SCAPER: variants seen among roughly 807,000 people sequenced by gnomAD.
The protein encoded by SCAPER is S-phase cyclin A associated protein in the ER.
SCAPER carries 98 observed loss-of-function variants against 182.2 expected under a neutral mutation model. That is an observed-to-expected ratio of 0.54 (90% confidence interval 0.46 to 0.64). The LOEUF (loss-of-function observed/expected upper bound fraction) is 0.64. SCAPER is among the 30% of genes least tolerant of loss of function. The pLI is 0.00. For synonymous variants in SCAPER, 605 were observed against 564.6 expected, an observed-to-expected ratio of 1.07 and a Z score of -1.01; for missense variants, 1,432 against 1,690.0, an observed-to-expected ratio of 0.85 and a Z score of 2.68.
At chr15:76,615,814 C>A (rs2051429363) in intron 22 of SCAPER, among the ~76,000 whole-genome samples, 1 of 127,026 alleles carries the variant, frequency 7.9e-6, no homozygotes, top group African/African-American at 3.3e-5. Context: ...AGCGAGATTC[C>A]ATCTCAAAAA....
chr15:76,381,460 T>C lies in SCAPER; in HGVS notation c.3623A>G (p.Tyr1208Cys), dbSNP rs1187326084. 2.1e-5 allele frequency: 34 copies of C among 1,613,716 alleles called. No homozygotes were observed. The highest frequency in any genetic ancestry group is 2.4e-5 in the Non-Finnish European group (28 of 1,179,866). The change falls in exon 28 of 32, where the codon TAC becomes TGC. Residue 1208 changes from tyrosine to cysteine, a missense_variant. Transcript: ENST00000563290. ...DPSTASPKEN[Y>C]TQNTIQVAIQ... ...GGCCACTTGGATGGTATTTTGAGTG[T>C]AATTCTCCTTGGGACTGGCAGTGCT... is the stretch of plus-strand genomic sequence containing the variant.
At chr15:76,487,276 C>A (rs12903450) in intron 24 of SCAPER, among the ~76,000 whole-genome samples, 5,229 of 151,652 alleles carry the variant, frequency 0.034, 150 homozygotes, top group Non-Finnish European at 0.05. Flanking sequence ...GTACTACAAA[C>A]CCCCATGACA....
intron 21 of SCAPER, among the ~76,000 whole-genome samples, chr15:76,641,698 G>A (rs1005858862): frequency 1.3e-5 from 2 of 152,168 alleles, no homozygotes; most frequent in Non-Finnish European, 2.9e-5. Flanking sequence ...AAGAAAAGGA[G>A]GCACTGGGGG....
chr15:76,584,573 G>A (rs1207506059), intron 22 of SCAPER, among the ~76,000 whole-genome samples: 2 of 152,056 alleles, frequency 1.3e-5, no homozygotes, highest in Admixed American at 6.5e-5. Flanking sequence ...ATAAAAAAAT[G>A]CAAAATCTAA....
chr15:76,583,380 T>C (rs1209763802), intron 22 of SCAPER, among the ~76,000 whole-genome samples: 1 of 144,526 alleles, frequency 6.9e-6, no homozygotes, highest in Non-Finnish European at 1.5e-5. Context: ...TTGAGTGTAA[T>C]CCCATAAGCA....
chr15:76,465,929 G>C (rs1171605641), intron 25 of SCAPER, among the ~76,000 whole-genome samples: 2 of 152,092 alleles, frequency 1.3e-5, no homozygotes, highest in Non-Finnish European at 2.9e-5. Flanking sequence ...TTTCTGCTGA[G>C]AAATATGTTG....
intron 24 of SCAPER, among the ~76,000 whole-genome samples, chr15:76,473,957 G>A (rs917167693): frequency 4.0e-5 from 6 of 151,832 alleles, no homozygotes; most frequent in East Asian, 1.9e-4. Flanking sequence ...GATTACACGC[G>A]TGTGCCACCA....
At chr15:76,665,904 G>A (rs1045542613) in intron 20 of SCAPER, 115 bp from the exon 21 acceptor site, 25 of 857,346 alleles carry the variant, frequency 2.9e-5, no homozygotes, top group Non-Finnish European at 3.8e-5. Context: ...AGTAATCTCC[G>A]TAATACACTG....
At chr15:76,393,845 T>C (rs563504069) in intron 27 of SCAPER, among the ~76,000 whole-genome samples, 14 of 152,314 alleles carry the variant, frequency 9.2e-5, no homozygotes, top group Non-Finnish European at 1.9e-4. Flanking sequence ...ATTAAGCCTA[T>C]GCAGAGACCC....
At chr15:76,555,001 G>A (rs924086942) in intron 23 of SCAPER, among the ~76,000 whole-genome samples, 1 of 151,888 alleles carries the variant, frequency 6.6e-6, no homozygotes, top group African/African-American at 2.4e-5. Context: ...GGCTGGTCTC[G>A]AACTCCTGAC....
intron 2 of SCAPER, among the ~76,000 whole-genome samples, chr15:76,863,874 A>G (rs989067394): frequency 6.6e-6 from 1 of 152,152 alleles, no homozygotes; most frequent in Admixed American, 6.5e-5. Context: ...CTTAAAATCC[A>G]GCTGTCATGC....
chr15:76,795,452 A>C lies in SCAPER; in HGVS notation c.612-12T>G. 6.6e-7 allele frequency: 1 copy of C among 1,514,764 alleles called. No individual in the cohort carries two copies. Among genetic ancestry groups the C allele is most frequent in the Non-Finnish European group, 8.8e-7 (1 of 1,134,424 alleles). The allele number at this position is 1,514,764 out of a possible 1,614,324, so 93.8% of individuals were successfully genotyped here. A position where few individuals can be genotyped will look rare whatever the true frequency, so the allele number is the denominator to read the frequency against. On this transcript the variant is annotated splice_polypyrimidine_tract_variant and intron_variant, in intron 7 of 31. Transcript: ENST00000563290. ...TGCCAGTTGAACCTCTATGGAGAAA[A>C]ATAAACACATTTAATAAATTAAATA...
chr15:76,362,123 C>A (rs1003730812), intron 29 of SCAPER, among the ~76,000 whole-genome samples: 1 of 151,988 alleles, frequency 6.6e-6, no homozygotes, highest in Admixed American at 6.6e-5. Context: ...CAGGCACCCA[C>A]CACCATACCC....
In SCAPER at chr15:76,434,297, T is replaced by C. The variant is rs1277715648; in HGVS notation, c.3092A>G (p.Asp1031Gly). ...TCTCCCCAAAATAGTATTATTTTCA[T>C]CTGGAACATAAACCTAGATGAAAAA... The part of the protein sequence containing the change: ...LIHQLTVYVP[D>G]ENNTILGRNT... The change falls in exon 26 of 32, where the codon GAT (aspartate) becomes GGT (glycine). Residue 1031 changes from aspartate (D) to glycine (G), a missense_variant. Asp to Gly is a moderately conservative substitution (Grantham distance 94). Coordinates refer to ENST00000563290, the MANE Select transcript of SCAPER (RefSeq NM_020843.4). 1 of 1,607,090 alleles carries C rather than the reference T, an allele frequency of 6.2e-7. No individual in the cohort carries two copies. The highest frequency in any genetic ancestry group is 1.1e-5 in the South Asian group (1 of 90,410).
Position 76,800,350 on chromosome 15 carries a change from G to A in SCAPER, c.509C>T (p.Ala170Val). ...TDAQSRPTSLAWEVKKMSPGR... is the reference protein window; with the variant it reads ...TDAQSRPTSLVWEVKKMSPGR... ...CGGAGACATCTTCTTTACTTCCCAT[G>A]CCAATGATGTTGGTCTGCGAATTCA... The change falls in exon 7 of 32, where the codon GCA becomes GTA. Residue 170 changes from alanine to valine, a missense_variant. Coordinates refer to ENST00000563290, the MANE Select transcript of SCAPER (RefSeq NM_020843.4). 1.2e-6 allele frequency: 2 copies of A among 1,608,340 alleles called. No individual in the cohort carries two copies. Among genetic ancestry groups the A allele is most frequent in the East Asian group, 2.2e-5 (1 of 44,802 alleles).
intron 23 of SCAPER, among the ~76,000 whole-genome samples, chr15:76,528,988 T>C (rs935272691): frequency 8.5e-5 from 13 of 152,254 alleles, no homozygotes; most frequent in Non-Finnish European, 1.6e-4. Context: ...CGTAGCTTCA[T>C]TGTAACTTAA....
At chr15:76,765,683 A>G in intron 11 of SCAPER, 45 bp from the exon 12 acceptor site, 1 of 1,422,840 alleles carries the variant, frequency 7.0e-7, no homozygotes, top group Non-Finnish European at 9.7e-7. Flanking sequence ...TTTGAACACA[A>G]TTACAACTTT....
chr15:76,495,989 G>GACAC (rs1189380440), intron 24 of SCAPER, among the ~76,000 whole-genome samples: 2,267 of 105,512 alleles, frequency 0.021, 46 homozygotes, highest in Non-Finnish European at 0.027. Flanking sequence ...AAGCAAAAGA[G>GACAC]AGAGACACAC....
At chr15:76,489,825 C>T (rs1210878552) in intron 24 of SCAPER, among the ~76,000 whole-genome samples, 1 of 152,248 alleles carries the variant, frequency 6.6e-6, no homozygotes, top group African/African-American at 2.4e-5. Flanking sequence ...CTCCTGGCAA[C>T]CATAGTTCTG....
Sources: allele counts gnomAD v4.1 joint callset (sites outside exome capture counted in the v4.1 genomes callset), GRCh38; gene constraint gnomAD v4.1.1; transcripts MANE v1.5; gene names NCBI Gene and HGNC (gene_info 2026-07-23, HGNC 2026-07-21).